Variants in BLOC1S3 observed in about 807,000 individuals in gnomAD.
The protein encoded by BLOC1S3 is biogenesis of lysosome-related organelles complex 1 subunit 3.
Under a neutral mutation model 9.1 loss-of-function variants are expected in BLOC1S3, and 7 were observed. The observed-to-expected ratio is 0.77, with a 90% CI of 0.44 to 1.45. The LOEUF (loss-of-function observed/expected upper bound fraction) is 1.45, where lower values mean the gene tolerates loss of function less well. Among genes scored for constraint, BLOC1S3 ranks in the 40% most tolerant of loss-of-function variants. BLOC1S3 has a pLI of 0.01. For synonymous variants in BLOC1S3, 145 were observed against 158.4 expected (o/e 0.92, Z 0.64); for missense variants, 307 against 315.2 (o/e 0.97, Z 0.20).
intron 2 of BLOC1S3, among the ~76,000 whole-genome samples, chr19:45,198,485 G>A (rs1033318319): frequency 1.3e-5 from 2 of 152,100 alleles, no homozygotes; most frequent in African/African-American, 4.8e-5. Flanking sequence ...GTAGAGACAA[G>A]GTTTCGCCAT....
intron 3 of BLOC1S3, among the ~76,000 whole-genome samples, chr19:45,210,836 G>A (rs73566297): frequency 0.015 from 2,272 of 152,252 alleles, 58 homozygotes; most frequent in African/African-American, 0.052. Context: ...TTAATTCAAC[G>A]CCTACAGGGC....
intron 3 of BLOC1S3, among the ~76,000 whole-genome samples, chr19:45,210,031 C>G (rs1969756460): frequency 1.4e-5 from 2 of 147,732 alleles, no homozygotes; most frequent in East Asian, 3.9e-4. Context: ...TTGTGCCTGG[C>G]CAGAACTCTG....
intron 3 of BLOC1S3, among the ~76,000 whole-genome samples, chr19:45,215,777 C>T (rs1470637238): frequency 6.6e-6 from 1 of 152,172 alleles, no homozygotes; most frequent in African/African-American, 2.4e-5. Flanking sequence ...TCCCCTGCGG[C>T]TCCCCTGCGG....
intron 3 of BLOC1S3, chr19:45,216,250 C>G (rs1969833889): frequency 6.3e-7 from 1 of 1,591,588 alleles, no homozygotes; most frequent in Admixed American, 1.7e-5. Flanking sequence ...CCTGCCAATT[C>G]CTGCCCCTCC....
chr19:45,179,137 G>C lies in BLOC1S3; in HGVS notation c.-9-151G>C, dbSNP rs991669605. ...GTCCAGTAACCCCCATCATCACCCA[G>C]TTTACAGAAGAGGAAACTGAGGCCC... On this transcript the variant is annotated intron_variant, in intron 1 of 1. Coordinates refer to ENST00000433642, the MANE Select transcript of BLOC1S3 (RefSeq NM_212550.5). The surrounding 1 kb of genome is among the most constrained non-coding windows in gnomAD (Gnocchi z 4.6). 2.1e-5 allele frequency: 18 copies of C among 851,378 alleles called. No individual in the cohort carries two copies. Among genetic ancestry groups the C allele is most frequent in the East Asian group, 1.3e-4 (4 of 31,444 alleles). 52.7% of individuals were successfully genotyped at this position (851,378 alleles called of 1,614,324 possible). A position where few individuals can be genotyped will look rare whatever the true frequency, so the allele number is the denominator to read the frequency against.
At chr19:45,185,335 TTGAA>T (rs974645883), downstream of BLOC1S3, among the ~76,000 whole-genome samples, 1 of 152,116 alleles carries the variant, frequency 6.6e-6, no homozygotes, top group African/African-American at 2.4e-5. Flanking sequence ...AAATTGTTTG[TTGAA>T]TGAATGAATG....
chr19:45,195,331 C>T (rs932707869), intron 2 of BLOC1S3, among the ~76,000 whole-genome samples: 4 of 152,160 alleles, frequency 2.6e-5, no homozygotes, highest in South Asian at 2.1e-4. Flanking sequence ...CTCAGCCACC[C>T]GAGTAGCTGG....
At chr19:45,202,214 A>T (rs1006691799) in intron 2 of BLOC1S3, among the ~76,000 whole-genome samples, 7 of 124,538 alleles carry the variant, frequency 5.6e-5, no homozygotes, top group Non-Finnish European at 1.1e-4. Flanking sequence ...TCCATCTAAA[A>T]AAAAAAAAAA....
At chr19:45,206,073 C>T (rs1234625892) in intron 3 of BLOC1S3, among the ~76,000 whole-genome samples, 3 of 152,032 alleles carry the variant, frequency 2.0e-5, no homozygotes, top group African/African-American at 7.2e-5. Context: ...AGGGGCCGGG[C>T]GCAGTGACTC....
chr19:45,187,824 T>G (rs767291066), intron 2 of BLOC1S3: 1 of 152,196 alleles, frequency 6.6e-6, no homozygotes, highest in Non-Finnish European at 1.5e-5. Context: ...AATGGCCTAG[T>G]ATGTGCACAT....
At chr19:45,206,042 G>A (rs1437220263) in intron 3 of BLOC1S3, among the ~76,000 whole-genome samples, 2 of 152,066 alleles carry the variant, frequency 1.3e-5, no homozygotes, top group South Asian at 2.1e-4. Flanking sequence ...CTGAGATACC[G>A]TCTCTACAAA....
intron 3 of BLOC1S3, among the ~76,000 whole-genome samples, chr19:45,207,128 C>T (rs184812917): frequency 3.0e-4 from 45 of 151,348 alleles, no homozygotes; most frequent in Non-Finnish European, 5.0e-4. Flanking sequence ...TAAGCCACCG[C>T]GCCCAGCTAT....
intron 3 of BLOC1S3, among the ~76,000 whole-genome samples, chr19:45,214,974 G>C (rs1002470275): frequency 9.2e-5 from 14 of 151,896 alleles, no homozygotes; most frequent in Admixed American, 7.2e-4. Flanking sequence ...TGGTCAACTT[G>C]GTGAAATCCC....
chr19:45,205,150 T>C (rs595290), intron 3 of BLOC1S3, among the ~76,000 whole-genome samples: 40,353 of 151,990 alleles, frequency 0.27, 6,417 homozygotes, highest in African/African-American at 0.42. Context: ...CCCAACTCTA[T>C]GCTGCCCACA....
downstream of BLOC1S3, among the ~76,000 whole-genome samples, chr19:45,186,683 C>T (rs1390815272): frequency 3.3e-5 from 5 of 152,084 alleles, no homozygotes; most frequent in African/African-American, 4.8e-5. Flanking sequence ...CCGGCCTGGG[C>T]GATAGAGTGA....
chr19:45,182,601 T>C (rs1015720560), downstream of BLOC1S3, among the ~76,000 whole-genome samples: 1 of 151,884 alleles, frequency 6.6e-6, no homozygotes, highest in Non-Finnish European at 1.5e-5. Flanking sequence ...GAGGTGGAGG[T>C]TACAGTGAGC....
intron 2 of BLOC1S3, among the ~76,000 whole-genome samples, chr19:45,199,891 G>C (rs977578139): frequency 6.6e-6 from 1 of 151,974 alleles, no homozygotes; most frequent in African/African-American, 2.4e-5. Flanking sequence ...TCAGCCTCCT[G>C]AGTAGCTGGG....
Position 45,179,875 on chromosome 19 carries a change from G to A in BLOC1S3, c.579G>A (p.Glu193=), listed in dbSNP as rs1969489676. ...ACATCCGCGGCGTGCCAGGGACCGAGCCTGAGAAAGACCCGGGGCCGCGGG... is the reference window on the plus strand; with the variant it reads ...ACATCCGCGGCGTGCCAGGGACCGAACCTGAGAAAGACCCGGGGCCGCGGG... ...LPDIRGVPGT[E]PEKDPGPRA The change falls in exon 2 of 2, where the codon GAG becomes GAA. Residue 193 remains glutamate, a synonymous_variant. Coordinates refer to ENST00000433642, the MANE Select transcript of BLOC1S3 (RefSeq NM_212550.5). This position sits in a 1 kb window ranked among gnomAD's most constrained non-coding sequence, Gnocchi z 4.6. 1 of 1,609,256 alleles carries A rather than the reference G, an allele frequency of 6.2e-7. No homozygotes were observed. Among genetic ancestry groups the A allele is most frequent in the Non-Finnish European group, 8.5e-7 (1 of 1,178,308 alleles).
chr19:45,185,218 G>A (rs971329581), downstream of BLOC1S3, among the ~76,000 whole-genome samples: 1 of 152,174 alleles, frequency 6.6e-6, no homozygotes. Flanking sequence ...CACTGCCTGG[G>A]AACTGGTCTG....
Sources: allele counts gnomAD v4.1 joint callset (sites outside exome capture counted in the v4.1 genomes callset), GRCh38; gene constraint gnomAD v4.1.1; non-coding constraint Gnocchi (gnomAD v3.1); transcripts MANE v1.5; gene names NCBI Gene and HGNC (gene_info 2026-07-23, HGNC 2026-07-21).